PCDHA9: variants seen among roughly 807,000 people sequenced by gnomAD.
PCDHA9 encodes the protein protocadherin alpha-9.
A neutral mutation model predicts 62.0 loss-of-function variants in PCDHA9; 62 were observed. The observed-to-expected ratio is 1.00, with a 90% CI of 0.81 to 1.23. The LOEUF is 1.23. Among genes scored for constraint, PCDHA9 ranks in the 50% most tolerant of loss-of-function variants. PCDHA9 has a pLI of 0.00. For synonymous variants in PCDHA9, 557 were observed against 567.6 expected, an observed-to-expected ratio of 0.98 and a Z score of 0.27; for missense variants, 1,205 against 1,249.8, an observed-to-expected ratio of 0.96 and a Z score of 0.54.
chr5:140,901,139 A>G (rs1186725760), intron 1 of PCDHA9, among the ~76,000 whole-genome samples: 1 of 151,726 alleles, frequency 6.6e-6, no homozygotes, highest in Non-Finnish European at 1.5e-5. Context: ...GATTGTAAAT[A>G]TTTTCTCTCA....
intron 3 of PCDHA9, among the ~76,000 whole-genome samples, chr5:140,983,419 A>G (rs1209385386): frequency 5.3e-5 from 8 of 152,210 alleles, no homozygotes; most frequent in Non-Finnish European, 1.2e-4. Flanking sequence ...GTGTTGGTAG[A>G]GACCACAAAT....
At chr5:140,887,100 T>TC (rs1231390589) in intron 1 of PCDHA9, among the ~76,000 whole-genome samples, 2 of 151,232 alleles carry the variant, frequency 1.3e-5, no homozygotes, top group Non-Finnish European at 2.9e-5. Flanking sequence ...TATCTTTATC[T>TC]CTTTTTTTTT....
intron 1 of PCDHA9, chr5:140,860,091 C>A (rs1199656209): frequency 4.0e-5 from 6 of 150,914 alleles, no homozygotes; most frequent in African/African-American, 1.5e-4. Context: ...GAGTTCAAGA[C>A]CAACCTGGGC....
At chr5:140,901,469 G>A (rs1056054450) in intron 1 of PCDHA9, among the ~76,000 whole-genome samples, 1 of 152,080 alleles carries the variant, frequency 6.6e-6, no homozygotes, top group African/African-American at 2.4e-5. Flanking sequence ...CTTTTCTCGA[G>A]TTTATGTTCT....
At chr5:140,897,130 C>A (rs913808184) in intron 1 of PCDHA9, among the ~76,000 whole-genome samples, 11 of 152,118 alleles carry the variant, frequency 7.2e-5, no homozygotes, top group Non-Finnish European at 5.9e-5. Flanking sequence ...CCCCACTAAA[C>A]TTTCTAGCCT....
chr5:140,925,822 T>C (rs1554202964), intron 1 of PCDHA9, among the ~76,000 whole-genome samples: 1 of 152,156 alleles, frequency 6.6e-6, no homozygotes, highest in African/African-American at 2.4e-5. Flanking sequence ...ACGTCTTCTT[T>C]GGGGACGGGT....
chr5:140,907,235 T>C, intron 1 of PCDHA9, among the ~76,000 whole-genome samples: 1 of 152,234 alleles, frequency 6.6e-6, no homozygotes, highest in East Asian at 1.9e-4. Context: ...TGTCACCTAG[T>C]TGACATTGTA....
rs2150443693 is a variant in PCDHA9, at chr5:140,849,642, G to C, written c.1147G>C (p.Gly383Arg). ...GATCGACCTAGACGCAGATGCCAAC[G>C]GGCAGGTTACCTGCTCCCTGACGCC... is the stretch of plus-strand genomic sequence containing the variant. The part of the protein sequence containing the change: ...SVIDLDADAN[G>R]QVTCSLTPHV... Residue 383 changes from glycine (G) to arginine (R), a missense_variant, in exon 1 of 4, where the codon GGG (glycine) becomes CGG (arginine). Physicochemically the swap from Gly to Arg is moderately radical, Grantham distance 125. Around this residue, in one of 3 missense-constraint regions of PCDHA9, gnomAD observed 887 missense variants for 809.5 expected, o/e 1.10. Coordinates refer to ENST00000532602, the MANE Select transcript of PCDHA9 (RefSeq NM_031857.2). The C allele has an allele frequency of 3.8e-6, 6 of 1,598,700 alleles. No individual in the cohort carries two copies. The highest frequency in any genetic ancestry group is 3.4e-5 in the Admixed American group (2 of 59,308).
At chr5:140,892,550 A>G (rs1337911954) in intron 1 of PCDHA9, among the ~76,000 whole-genome samples, 1 of 152,202 alleles carries the variant, frequency 6.6e-6, no homozygotes, top group East Asian at 1.9e-4. Context: ...TTGTTTCTCT[A>G]GTCCTTGGAG....
chr5:141,001,387 C>T (rs1282982040), intron 3 of PCDHA9, among the ~76,000 whole-genome samples: 3 of 152,188 alleles, frequency 2.0e-5, no homozygotes, highest in African/African-American at 7.2e-5. Context: ...GCCTAAGATC[C>T]TACAGAGAAC....
At chr5:140,917,305 C>T (rs1554197951) in intron 1 of PCDHA9, among the ~76,000 whole-genome samples, 1 of 137,094 alleles carries the variant, frequency 7.3e-6, no homozygotes, top group African/African-American at 2.7e-5. Flanking sequence ...ATAGTTGTTA[C>T]AATTTGGTGT....
chr5:140,943,321 G>A (rs1012061757), intron 1 of PCDHA9, among the ~76,000 whole-genome samples: 4 of 150,454 alleles, frequency 2.7e-5, no homozygotes, highest in Non-Finnish European at 5.9e-5. Context: ...TAGCAATATT[G>A]TGTAGTATCC....
Position 140,978,933 on chromosome 5 carries a change from CTT to C in PCDHA9, c.2395-14_2395-13del, listed in dbSNP as rs1179085898. On this transcript the variant is annotated splice_polypyrimidine_tract_variant and intron_variant, in intron 1 of 3. Coordinates refer to ENST00000532602, the MANE Select transcript of PCDHA9 (RefSeq NM_031857.2). The stretch of plus-strand genomic sequence containing the variant: ...TCTTGTCATTTTAACAGAAAACTCT[CTT>C]TGTGATTTTGCAGCCACGACAGCCC... 1.2e-6 allele frequency: 2 copies of C among 1,613,976 alleles called. No individual in the cohort carries two copies. The highest frequency in any genetic ancestry group is 2.7e-5 in the African/African-American group (2 of 74,920).
rs376026810 is a variant in PCDHA9 at position 140,944,280 on chromosome 5, C to T, written c.2395-34669C>T. 2.0e-4 allele frequency among the ~76,000 whole-genome samples: 31 copies of T among 152,226 alleles called. 1 individual carries two copies. The South Asian group carries it at 2.9e-3, about 14-fold the overall frequency. Reference sequence around the variant, plus strand: ...ACTGCTCACTGCAGCCTTGACACCCCGGGCTCAAGCGATCCTCCTACCTCA... The same window carrying T: ...ACTGCTCACTGCAGCCTTGACACCCTGGGCTCAAGCGATCCTCCTACCTCA... On this transcript the variant is annotated intron_variant, in intron 1 of 3. Coordinates refer to ENST00000532602, the MANE Select transcript of PCDHA9 (RefSeq NM_031857.2).
intron 1 of PCDHA9, among the ~76,000 whole-genome samples, chr5:140,938,751 C>A (rs943916265): frequency 6.6e-6 from 1 of 151,978 alleles, no homozygotes; most frequent in Non-Finnish European, 1.5e-5. Flanking sequence ...TTTTTAAAGG[C>A]ATAGTTATTG....
chr5:140,993,265 C>A (rs1196226593), intron 3 of PCDHA9, among the ~76,000 whole-genome samples: 1 of 152,062 alleles, frequency 6.6e-6, no homozygotes, highest in Non-Finnish European at 1.5e-5. Flanking sequence ...AAATTAGCTT[C>A]TTTGGTCTTT....
At chr5:140,978,862 T>C (rs750080921) in intron 1 of PCDHA9, 87 bp from the exon 2 acceptor site, 138 of 1,599,976 alleles carry the variant, frequency 8.6e-5, no homozygotes, top group Non-Finnish European at 1.1e-4. Flanking sequence ...CTGGAAATAT[T>C]TAAGGGAGTA....
chr5:140,873,821 T>C (rs562633), intron 1 of PCDHA9, among the ~76,000 whole-genome samples: 2,262 of 152,230 alleles, frequency 0.015, 53 homozygotes, highest in African/African-American at 0.052. Context: ...CCACCACTCC[T>C]GGCTAATTTT....
intron 1 of PCDHA9, among the ~76,000 whole-genome samples, chr5:140,921,213 G>A (rs759293646): frequency 1.3e-5 from 2 of 151,378 alleles, no homozygotes; most frequent in East Asian, 1.9e-4. Context: ...GATAATTCAC[G>A]TCTTTTTTGC....
Sources: gnomAD v4.1 joint callset for allele counts (sites outside exome capture counted in the v4.1 genomes callset) on GRCh38, gnomAD v4.1.1 for gene constraint, gnomAD v4.1.1 regional missense constraint, MANE v1.5 for transcripts, NCBI Gene and HGNC (gene_info 2026-07-23, HGNC 2026-07-21) for gene names.